The following KCNJ3 variants were observed in gnomAD, a reference collection of about 807,000 sequenced individuals.
KCNJ3 encodes the protein potassium inwardly rectifying channel subfamily J member 3.
In KCNJ3, 4 loss-of-function variants were observed where a neutral mutation model predicts 39.2. The observed-to-expected ratio is 0.10, with a 90% CI of 0.05 to 0.23. The LOEUF (loss-of-function observed/expected upper bound fraction) is 0.23. Ranked by LOEUF, KCNJ3 falls within the 10% of genes least tolerant of loss-of-function variation. KCNJ3 has a pLI of 1.00. For synonymous variants in KCNJ3, 230 were observed against 237.4 expected, an observed-to-expected ratio of 0.97 and a Z score of 0.29; for missense variants, 276 against 634.9, an observed-to-expected ratio of 0.43 and a Z score of 6.08.
chr2:154,725,042 A>T (rs1685330079), intron 2 of KCNJ3, among the ~76,000 whole-genome samples: 1 of 150,392 alleles, frequency 6.6e-6, no homozygotes, highest in African/African-American at 2.4e-5. Flanking sequence ...TCTGCTTCTT[A>T]ATGGTACATG....
intron 2 of KCNJ3, among the ~76,000 whole-genome samples, chr2:154,735,317 C>T (rs3111002): frequency 0.38 from 56,369 of 149,276 alleles, 10,863 homozygotes; most frequent in Non-Finnish European, 0.41. Context: ...GGTTTTACCG[C>T]GTTAGCCAGG....
At chr2:154,834,643 G>A (rs1293774336) in intron 2 of KCNJ3, among the ~76,000 whole-genome samples, 1 of 150,336 alleles carries the variant, frequency 6.7e-6, no homozygotes, top group Non-Finnish European at 1.5e-5. Context: ...ACAGGAGAAT[G>A]GCGTGAACCT....
At chr2:154,725,659 C>A (rs1558857133) in intron 2 of KCNJ3, among the ~76,000 whole-genome samples, 2 of 151,938 alleles carry the variant, frequency 1.3e-5, no homozygotes, top group Non-Finnish European at 2.9e-5. Flanking sequence ...CAAGACTAAG[C>A]AAAAAGAACA....
intron 2 of KCNJ3, among the ~76,000 whole-genome samples, chr2:154,778,870 C>T (rs1409696512): frequency 6.6e-6 from 1 of 151,980 alleles, no homozygotes; most frequent in Non-Finnish European, 1.5e-5. Context: ...GAGTTTAGGG[C>T]ATCAGCTTAG....
At chr2:154,787,225 T>C (rs1686545877) in intron 2 of KCNJ3, among the ~76,000 whole-genome samples, 1 of 152,244 alleles carries the variant, frequency 6.6e-6, no homozygotes, top group Non-Finnish European at 1.5e-5. Context: ...CTTAGTATTA[T>C]TGACATAACT....
intron 2 of KCNJ3, among the ~76,000 whole-genome samples, chr2:154,746,123 G>T (rs1018437893): frequency 1.3e-5 from 2 of 151,788 alleles, no homozygotes; most frequent in African/African-American, 4.8e-5. Context: ...TTAATGAATA[G>T]TAAATAGATT....
intron 2 of KCNJ3, among the ~76,000 whole-genome samples, chr2:154,794,262 T>G (rs2105212334): frequency 6.6e-6 from 1 of 152,150 alleles, no homozygotes; most frequent in African/African-American, 2.4e-5. Flanking sequence ...TTTATTTCCT[T>G]TAAGAGAAAT....
At chr2:154,814,152 T>G (rs1024139475) in intron 2 of KCNJ3, among the ~76,000 whole-genome samples, 1 of 152,228 alleles carries the variant, frequency 6.6e-6, no homozygotes, top group Non-Finnish European at 1.5e-5. Flanking sequence ...TTTAATTTTC[T>G]TTTTAAAACT....
intron 2 of KCNJ3, among the ~76,000 whole-genome samples, chr2:154,728,286 C>T: frequency 6.6e-6 from 1 of 152,188 alleles, no homozygotes; most frequent in Middle Eastern, 3.4e-3. Context: ...TTACAGAAAT[C>T]ACCTTGTGTC....
intron 2 of KCNJ3, among the ~76,000 whole-genome samples, chr2:154,776,022 A>G (rs1425310490): frequency 7.0e-6 from 1 of 143,750 alleles, no homozygotes; most frequent in Non-Finnish European, 1.5e-5. Context: ...TTTTTTTGAG[A>G]TGGAATTTCG....
intron 2 of KCNJ3, among the ~76,000 whole-genome samples, chr2:154,837,998 T>C (rs1687499570): frequency 6.6e-6 from 1 of 152,202 alleles, no homozygotes; most frequent in South Asian, 2.1e-4. Flanking sequence ...GAATAAATGT[T>C]AAATATTATT....
At chr2:154,801,637 G>C (rs1290429626) in intron 2 of KCNJ3, among the ~76,000 whole-genome samples, 2 of 114,244 alleles carry the variant, frequency 1.8e-5, no homozygotes, top group Admixed American at 9.9e-5. Flanking sequence ...TTTTGTTTTT[G>C]AGACAGGTTG....
intron 2 of KCNJ3, among the ~76,000 whole-genome samples, chr2:154,812,985 A>T (rs11884184): frequency 0.059 from 9,028 of 152,276 alleles, 354 homozygotes; most frequent in African/African-American, 0.1. Flanking sequence ...ATTCACTAAT[A>T]CAGGCAGTAT....
At chr2:154,741,587 T>TA (rs1685654739) in intron 2 of KCNJ3, among the ~76,000 whole-genome samples, 4 of 151,864 alleles carry the variant, frequency 2.6e-5, no homozygotes, top group Admixed American at 2.6e-4. Context: ...TGGAAGTAGG[T>TA]AAAATCATAT....
chr2:154,828,128 G>A (rs1687300897), intron 2 of KCNJ3, among the ~76,000 whole-genome samples: 1 of 152,090 alleles, frequency 6.6e-6, no homozygotes, highest in Non-Finnish European at 1.5e-5. Context: ...CATTTATACT[G>A]TAATGACTCA....
intron 2 of KCNJ3, among the ~76,000 whole-genome samples, chr2:154,779,370 A>G (rs1686393976): frequency 6.6e-6 from 1 of 150,684 alleles, no homozygotes; most frequent in African/African-American, 2.4e-5. Flanking sequence ...AGCTCCTCCT[A>G]GCATCCTAAA....
chr2:154,755,937 G>A (rs979915677), intron 2 of KCNJ3, among the ~76,000 whole-genome samples: 3 of 152,028 alleles, frequency 2.0e-5, no homozygotes, highest in East Asian at 1.9e-4. Flanking sequence ...AAACTGTCTC[G>A]AAGATGTTAA....
rs1245225246 is a variant in KCNJ3 at position 154,699,773 on chromosome 2, A to G, written c.702+296A>G. 6.6e-6 allele frequency among the ~76,000 whole-genome samples: 1 copy of G among 152,122 alleles called. No individual in the cohort carries two copies. Among genetic ancestry groups the G allele is most frequent in the Non-Finnish European group, 1.5e-5 (1 of 68,040 alleles). ...GTTGGCTCCTGGAGCCATGAGGGCA[A>G]TTAGTGCCCTGTTCGCCTTCCTGTC... On this transcript the variant is annotated intron_variant, in intron 1 of 2. Coordinates refer to ENST00000295101, the MANE Select transcript of KCNJ3 (RefSeq NM_002239.4). This position sits in a 1 kb window ranked among gnomAD's most constrained non-coding sequence, Gnocchi z 6.4.
At chr2:154,766,778 A>G (rs1686143850) in intron 2 of KCNJ3, among the ~76,000 whole-genome samples, 1 of 151,720 alleles carries the variant, frequency 6.6e-6, no homozygotes. Flanking sequence ...CTGGTCTCGA[A>G]CTCCTGACCT....
Sources: allele counts gnomAD v4.1 joint callset (sites outside exome capture counted in the v4.1 genomes callset), GRCh38; gene constraint gnomAD v4.1.1; non-coding constraint Gnocchi (gnomAD v3.1); transcripts MANE v1.5; gene names NCBI Gene and HGNC (gene_info 2026-07-23, HGNC 2026-07-21).